Variants in MYL3 observed in about 807,000 individuals in gnomAD.
MYL3 encodes the protein myosin light chain 3, also known as CMLC1.
MYL3 carries 11 observed loss-of-function variants against 21.3 expected under a neutral mutation model. That is an observed-to-expected ratio of 0.52 (90% confidence interval 0.32 to 0.85). The LOEUF (loss-of-function observed/expected upper bound fraction) is 0.85. Among genes scored for constraint, MYL3 ranks in the 40% least tolerant of loss-of-function variants. The pLI, the probability that MYL3 is intolerant of heterozygous loss-of-function variation, is 0.03. For missense variants in MYL3, 206 were observed against 253.3 expected (o/e 0.81, Z 1.27); for synonymous variants, 88 against 91.6 (o/e 0.96, Z 0.22).
upstream of MYL3, chr3:46,866,622 A>G (rs1702049869): frequency 6.6e-6 from 1 of 152,284 alleles, no homozygotes; most frequent in Non-Finnish European, 1.5e-5. Flanking sequence ...CAGGCATTCA[A>G]TAAATGCTGG....
chr3:46,859,402 T>G lies in MYL3; in HGVS notation c.481+73A>C. On this transcript the variant is annotated intron_variant, in intron 4 of 6. Coordinates refer to ENST00000292327, the MANE Select transcript of MYL3 (RefSeq NM_000258.3). The surrounding 1 kb of genome is among the most constrained non-coding windows in gnomAD (Gnocchi z 4.1). ...CCATTTCACCAATGGGTCACAGGCCTGGGGGGCAACAGAGTGGTTTCTCCC... is the reference window on the plus strand; with the variant it reads ...CCATTTCACCAATGGGTCACAGGCCGGGGGGGCAACAGAGTGGTTTCTCCC... 1.9e-6 allele frequency: 3 copies of G among 1,594,680 alleles called. No individual in the cohort carries two copies. Among genetic ancestry groups the G allele is most frequent in the Non-Finnish European group, 2.6e-6 (3 of 1,164,464 alleles).
upstream of MYL3, among the ~76,000 whole-genome samples, chr3:46,868,169 G>C (rs191728801): frequency 1.3e-5 from 2 of 152,146 alleles, no homozygotes; most frequent in Non-Finnish European, 2.9e-5. Flanking sequence ...GCACAACCCC[G>C]GGCCTTGAGA....
upstream of MYL3, chr3:46,863,598 G>T (rs986239440): frequency 3.5e-6 from 2 of 570,036 alleles, no homozygotes; most frequent in Non-Finnish European, 6.2e-6. Flanking sequence ...TCAGGCTCAG[G>T]AATGGGTAGT....
At chr3:46,877,021 C>T (rs959879723) in intron 1 of MYL3, among the ~76,000 whole-genome samples, 1 of 152,146 alleles carries the variant, frequency 6.6e-6, no homozygotes, top group African/African-American at 2.4e-5. Context: ...CAGCCCCCTG[C>T]CTTTGAGACC....
chr3:46,871,858 G>A (rs1368052080), intron 1 of MYL3, among the ~76,000 whole-genome samples: 1 of 152,254 alleles, frequency 6.6e-6, no homozygotes, highest in Non-Finnish European at 1.5e-5. Context: ...GGTTGGATGA[G>A]AAACTGTTCT....
At chr3:46,862,930 G>T (rs543443448) in intron 1 of MYL3, among the ~76,000 whole-genome samples, 5 of 152,312 alleles carry the variant, frequency 3.3e-5, no homozygotes, top group South Asian at 2.1e-4. Context: ...CTGACTCCAG[G>T]ATTCCCCAAG....
chr3:46,862,716 G>A (rs749007118), intron 1 of MYL3, among the ~76,000 whole-genome samples: 3 of 152,188 alleles, frequency 2.0e-5, no homozygotes, highest in Admixed American at 6.5e-5. Flanking sequence ...CTTTCAGAAT[G>A]TCCCCAGCCA....
At chr3:46,871,986 T>C (rs1322122878) in intron 1 of MYL3, among the ~76,000 whole-genome samples, 1 of 152,132 alleles carries the variant, frequency 6.6e-6, no homozygotes, top group Non-Finnish European at 1.5e-5. Flanking sequence ...TCAGTTCTGG[T>C]GCTGGCCCCT....
chr3:46,881,022 A>G (rs2030524647), intron 1 of MYL3: 1 of 152,372 alleles, frequency 6.6e-6, no homozygotes, highest in Admixed American at 6.5e-5. Flanking sequence ...TAAAGTTAAC[A>G]TTGCCCTTGA....
chr3:46,869,371 A>G (rs1702083068), intron 1 of MYL3, among the ~76,000 whole-genome samples: 1 of 152,126 alleles, frequency 6.6e-6, no homozygotes, highest in Non-Finnish European at 1.5e-5. Flanking sequence ...AGGGTGTTCC[A>G]TGAGCCGGCC....
upstream of MYL3, among the ~76,000 whole-genome samples, chr3:46,865,860 C>G (rs1702043593): frequency 6.6e-6 from 1 of 152,166 alleles, no homozygotes; most frequent in Non-Finnish European, 1.5e-5. The surrounding 1 kb of genome is among the most constrained non-coding windows in gnomAD (Gnocchi z 4.3). Flanking sequence ...CATCCTCACT[C>G]CCTCATCAGG....
upstream of MYL3, among the ~76,000 whole-genome samples, chr3:46,868,287 T>A (rs1322015138): frequency 6.6e-6 from 1 of 152,202 alleles, no homozygotes; most frequent in Non-Finnish European, 1.5e-5. Flanking sequence ...ACCATGGCCA[T>A]GGGTGGGGCA....
rs995155437 is a variant in MYL3 at position 46,861,286 on chromosome 3, C to T, written c.130-299G>A. Among the ~76,000 whole-genome samples, 6 of 152,348 alleles carry T rather than the reference C, an allele frequency of 3.9e-5. No homozygotes were observed. The highest frequency in any genetic ancestry group is 3.3e-4 in the Admixed American group (5 of 15,308). ...CCACATGCCCAAGGCCTCAGGCCAGCGTGGGCCTTACCTGATGCTCCCGGT... is the reference window on the plus strand; with the variant it reads ...CCACATGCCCAAGGCCTCAGGCCAGTGTGGGCCTTACCTGATGCTCCCGGT... On this transcript the variant is annotated intron_variant, in intron 1 of 6. Coordinates refer to ENST00000292327, the MANE Select transcript of MYL3 (RefSeq NM_000258.3). This position sits in a 1 kb window ranked among gnomAD's most constrained non-coding sequence, Gnocchi z 4.2.
At chr3:46,876,262 G>A (rs934899199) in intron 1 of MYL3, among the ~76,000 whole-genome samples, 19 of 152,184 alleles carry the variant, frequency 1.2e-4, no homozygotes, top group Non-Finnish European at 2.2e-4. Context: ...GTGAGGATGG[G>A]GCCTGTGGGC....
At chr3:46,880,522 T>C (rs2030485533) in intron 1 of MYL3, among the ~76,000 whole-genome samples, 1 of 152,132 alleles carries the variant, frequency 6.6e-6, no homozygotes, top group Non-Finnish European at 1.5e-5. Flanking sequence ...GGTGGATCAC[T>C]TGAGGTCAGG....
chr3:46,857,878 C>T lies in MYL3; in HGVS notation c.*237G>A. 1 of 342,826 alleles carries T rather than the reference C, an allele frequency of 2.9e-6. No individual in the cohort carries two copies. The highest frequency in any genetic ancestry group is 5.4e-6 in the Non-Finnish European group (1 of 183,956). 21.2% of individuals were successfully genotyped at this position (342,826 alleles called of 1,614,324 possible). ...AAGGGAAATAAGTCAGAAAGGAAGGCCGGCAAGAAGCCATTTATTCATGAG... is the reference window on the plus strand; with the variant it reads ...AAGGGAAATAAGTCAGAAAGGAAGGTCGGCAAGAAGCCATTTATTCATGAG... On this transcript the variant is annotated 3_prime_UTR_variant, in exon 7 of 7. Transcript: ENST00000292327. The surrounding 1 kb of genome is among the most constrained non-coding windows in gnomAD (Gnocchi z 5.0).
intron 4 of MYL3, 43 bp from the exon 5 acceptor site, chr3:46,858,504 G>T (rs1328290360): frequency 6.3e-7 from 1 of 1,588,128 alleles, no homozygotes; most frequent in Non-Finnish European, 8.6e-7. Flanking sequence ...GCGTGCAGAG[G>T]CATGATGGGG....
Position 46,860,732 on chromosome 3 carries a change from C to A in MYL3, c.251G>T (p.Gly84Val). The A allele has an allele frequency of 6.2e-7, 1 of 1,614,104 alleles. No homozygotes were observed. Among genetic ancestry groups the A allele is most frequent in the Non-Finnish European group, 8.5e-7 (1 of 1,179,994 alleles). ...GQCGDVLRAL[G>V]QNPTQAEVLR... Reference sequence around the variant, plus strand: ...CACTTCTGCCTGTGTGGGGTTCTGGCCCAGCGCCCGCAGGACATCCCCACA... The same window carrying A: ...CACTTCTGCCTGTGTGGGGTTCTGGACCAGCGCCCGCAGGACATCCCCACA... The change falls in exon 3 of 7, where the codon GGC (glycine) becomes GTC (valine). Residue 84 changes from glycine to valine, a missense_variant. Transcript: ENST00000292327. The surrounding 1 kb of genome is among the most constrained non-coding windows in gnomAD (Gnocchi z 4.6).
upstream of MYL3, among the ~76,000 whole-genome samples, chr3:46,867,651 C>T (rs1173169123): frequency 6.6e-6 from 1 of 152,240 alleles, no homozygotes; most frequent in Non-Finnish European, 1.5e-5. Flanking sequence ...CAGCCATGGC[C>T]CGCCCTGGCC....
Sources: gnomAD v4.1 joint callset for allele counts (sites outside exome capture counted in the v4.1 genomes callset) on GRCh38, gnomAD v4.1.1 for gene constraint, Gnocchi (gnomAD v3.1) non-coding constraint, MANE v1.5 for transcripts, NCBI Gene and HGNC (gene_info 2026-07-23, HGNC 2026-07-21) for gene names.